Variants in NLN observed in about 807,000 individuals in gnomAD.
NLN encodes neurolysin, mitochondrial.
NLN carries 64 observed loss-of-function variants against 79.9 expected under a neutral mutation model. The ratio of observed to expected loss-of-function variants is 0.80; its 90% CI spans 0.65 to 0.99. The LOEUF is 0.99. NLN is among the 50% of genes least tolerant of loss of function. NLN has a pLI of 0.00. For synonymous variants in NLN, 267 were observed against 296.6 expected, an observed-to-expected ratio of 0.90 and a Z score of 1.02; for missense variants, 835 against 858.7, an observed-to-expected ratio of 0.97 and a Z score of 0.34.
intron 1 of NLN, among the ~76,000 whole-genome samples, chr5:65,738,059 G>A (rs1033809644): frequency 6.6e-6 from 1 of 151,770 alleles, no homozygotes; most frequent in Non-Finnish European, 1.5e-5. Context: ...ACCTCGGGAG[G>A]CGGAGGTTGC....
chr5:65,723,814 C>CAAAAAAAAAAAAAAAA lies in NLN; in HGVS notation c.41+1407_41+1422dup, dbSNP rs760572199. 1.8e-3 allele frequency among the ~76,000 whole-genome samples: 98 copies of CAAAAAAAAAAAAAAAA among 55,312 alleles called. 2 individuals carry two copies. The highest frequency in any genetic ancestry group is 5.9e-3 in the African/African-American group (93 of 15,706). 36.3% of individuals were successfully genotyped at this position (55,312 alleles called of 152,430 possible). A position where few individuals can be genotyped will look rare whatever the true frequency, so the allele number is the denominator to read the frequency against. On this transcript the variant is annotated intron_variant, in intron 1 of 12. Transcript: ENST00000380985. ...TGGGCGACAGAGCAAGACTCCGTCT[C>CAAAAAAAAAAAAAAAA]AAAAAAAAAAAAAAAAAAAAAAGAA...
rs927735923 is a variant in NLN at position 65,722,319 on chromosome 5, G to A, written c.-55G>A. 28 of 1,462,648 alleles carry A rather than the reference G, an allele frequency of 1.9e-5. No individual in the cohort carries two copies. Among genetic ancestry groups the A allele is most frequent in the Middle Eastern group, 2.1e-4 (1 of 4,806 alleles). 90.6% of individuals were successfully genotyped at this position (1,462,648 alleles called of 1,614,324 possible). A position where few individuals can be genotyped will look rare whatever the true frequency, so the allele number is the denominator to read the frequency against. On this transcript the variant is annotated 5_prime_UTR_variant, in exon 1 of 13. Coordinates refer to ENST00000380985, the MANE Select transcript of NLN (RefSeq NM_020726.5). The stretch of plus-strand genomic sequence containing the variant: ...GCGCCCAGGCGCTGCCGCCCGCCTC[G>A]CCGCCCCACGCCGAAGGACCACGCG...
At chr5:65,753,611 C>T (rs1759150355) in intron 1 of NLN, among the ~76,000 whole-genome samples, 1 of 148,514 alleles carries the variant, frequency 6.7e-6, no homozygotes. Context: ...GATTGTGCCA[C>T]TATACTCCAA....
In NLN at chr5:65,826,742, A is replaced by G. The variant is rs1760927328; in HGVS notation, c.*3827A>G. On this transcript the variant is annotated 3_prime_UTR_variant, in exon 13 of 13. Transcript: ENST00000380985. ...CAACACAGTGAGACCCTGTCTCTAC[A>G]AAAACTAAAAAAATTAGCTAGGGAT... 1 of 152,126 alleles carries G rather than the reference A, an allele frequency of 6.6e-6. No homozygotes were observed. Among genetic ancestry groups the G allele is most frequent in the African/African-American group, 2.4e-5 (1 of 41,394 alleles). 9.4% of individuals were successfully genotyped at this position (152,126 alleles called of 1,614,324 possible). A position where few individuals can be genotyped will look rare whatever the true frequency, so the allele number is the denominator to read the frequency against.
chr5:65,732,386 A>T (rs58058762), intron 1 of NLN, among the ~76,000 whole-genome samples: 8,438 of 139,202 alleles, frequency 0.061, 2,062 homozygotes, highest in African/African-American at 0.22. Context: ...AGTGTGTTTG[A>T]AGTTAATATG....
chr5:65,814,451 C>T (rs1176886453), intron 12 of NLN, among the ~76,000 whole-genome samples: 1 of 152,156 alleles, frequency 6.6e-6, no homozygotes, highest in Non-Finnish European at 1.5e-5. Context: ...ATGCCTCCTT[C>T]ATCTGTGCAT....
At position 65,749,848 on chromosome 5, in the gene NLN, T is replaced by C. The variant is rs541875139; in HGVS notation, c.42-8719T>C. On this transcript the variant is annotated intron_variant, in intron 1 of 12. Coordinates refer to ENST00000380985, the MANE Select transcript of NLN (RefSeq NM_020726.5). ...TTTTATATTCTAATCATATTATCAA[T>C]ACCCTTGGCCCTGCTCCCTATGGAA... Among the ~76,000 whole-genome samples the C allele has an allele frequency of 1.6e-4, 24 of 152,332 alleles. 1 individual carries two copies. The South Asian group carries it at 2.9e-3, about 18-fold the overall frequency.
chr5:65,822,451 G>A (rs1231126141), intron 12 of NLN, among the ~76,000 whole-genome samples: 1 of 152,310 alleles, frequency 6.6e-6, no homozygotes. Context: ...TTGAAATCAC[G>A]AGAGATAGCA....
At chr5:65,770,411 A>T (rs1450565568) in intron 3 of NLN, among the ~76,000 whole-genome samples, 1 of 152,260 alleles carries the variant, frequency 6.6e-6, no homozygotes, top group Non-Finnish European at 1.5e-5. Flanking sequence ...AATCAAATGT[A>T]TGAAAAGATG....
intron 1 of NLN, among the ~76,000 whole-genome samples, chr5:65,746,005 T>C (rs959178135): frequency 7.2e-5 from 11 of 152,172 alleles, no homozygotes; most frequent in Non-Finnish European, 1.6e-4. Flanking sequence ...AAGGTGACCA[T>C]TGACATCCAA....
chr5:65,783,378 G>A (rs1457868387), intron 6 of NLN, among the ~76,000 whole-genome samples: 1 of 152,114 alleles, frequency 6.6e-6, no homozygotes, highest in Non-Finnish European at 1.5e-5. Context: ...CATCCTCAGG[G>A]TGTGGCTTTC....
chr5:65,810,255 A>T (rs1760515629), intron 11 of NLN, 90 bp downstream of exon 11: 1 of 1,109,902 alleles, frequency 9.0e-7, no homozygotes, highest in African/African-American at 1.5e-5. Flanking sequence ...TGTCAGACAG[A>T]TTACCTAATT....
At position 65,729,654 on chromosome 5, in the gene NLN, G is replaced by A. The variant is rs142746969; in HGVS notation, c.41+7240G>A. On this transcript the variant is annotated intron_variant, in intron 1 of 12. Coordinates refer to ENST00000380985, the MANE Select transcript of NLN (RefSeq NM_020726.5). ...CTCCCAAAGTGCTGGGATTACAGGC[G>A]TGAACCACCGTGCTCCGCCGAGGAT... Among the ~76,000 whole-genome samples the A allele has an allele frequency of 1.6e-4, 24 of 152,276 alleles. No homozygotes were observed. In the East Asian group the frequency reaches 4.0e-3, roughly 26 times the overall value.
intron 4 of NLN, among the ~76,000 whole-genome samples, chr5:65,779,591 A>G (rs1759754330): frequency 6.6e-6 from 1 of 152,240 alleles, no homozygotes; most frequent in South Asian, 2.1e-4. Context: ...ATTGGAAACA[A>G]TTAGAAATTT....
rs752802221 is a variant in NLN, at chr5:65,722,397, T to G, written c.24T>G (p.Ala8=). The change falls in exon 1 of 13, where the codon GCT becomes GCG. Residue 8 remains alanine (A), a synonymous_variant. Coordinates refer to ENST00000380985, the MANE Select transcript of NLN (RefSeq NM_020726.5). The part of the protein sequence containing the change: MIARCLL[A]VRSLRRVGGS... ...CCATGATCGCCCGGTGCCTTTTGGC[T>G]GTGCGAAGCCTCCGCAGGTACCTCC... The G allele has an allele frequency of 6.3e-7, 1 of 1,591,164 alleles. No homozygotes were observed. The highest frequency in any genetic ancestry group is 1.1e-5 in the South Asian group (1 of 87,470).
intron 3 of NLN, among the ~76,000 whole-genome samples, chr5:65,777,123 T>A (rs1759697242): frequency 6.6e-6 from 1 of 152,256 alleles, no homozygotes; most frequent in Non-Finnish European, 1.5e-5. Flanking sequence ...TCATAAAGAA[T>A]GCTCAGAATT....
At chr5:65,745,408 A>G (rs1339700442) in intron 1 of NLN, among the ~76,000 whole-genome samples, 1 of 152,192 alleles carries the variant, frequency 6.6e-6, no homozygotes, top group African/African-American at 2.4e-5. Flanking sequence ...GATACTTTTC[A>G]GTTTATAAAT....
chr5:65,799,317 G>A (rs1209786334), intron 9 of NLN, among the ~76,000 whole-genome samples: 6 of 152,046 alleles, frequency 3.9e-5, no homozygotes, highest in Admixed American at 3.9e-4. Flanking sequence ...GACATGAAGT[G>A]CAACAAATAA....
intron 2 of NLN, among the ~76,000 whole-genome samples, chr5:65,761,717 A>C (rs1194125672): frequency 6.6e-6 from 1 of 152,252 alleles, no homozygotes; most frequent in Non-Finnish European, 1.5e-5. Context: ...AATTATTATT[A>C]AATCCTAAAA....
Sources: gnomAD v4.1 joint callset for allele counts (sites outside exome capture counted in the v4.1 genomes callset) on GRCh38, gnomAD v4.1.1 for gene constraint, MANE v1.5 for transcripts, NCBI Gene and HGNC (gene_info 2026-07-23, HGNC 2026-07-21) for gene names.